The following HDAC4 variants were observed in gnomAD, a reference collection of about 807,000 sequenced individuals.
The protein encoded by HDAC4 is histone deacetylase 4.
A neutral mutation model predicts 135.1 loss-of-function variants in HDAC4; 16 were observed. That is an observed-to-expected ratio of 0.12 (90% CI 0.08 to 0.18). HDAC4 has a LOEUF of 0.18. Among genes scored for constraint, HDAC4 ranks in the 10% least tolerant of loss-of-function variants. The pLI, the probability that HDAC4 is intolerant of heterozygous loss-of-function variation, is 1.00. For missense variants in HDAC4, 1,143 were observed against 1,511.8 expected, an observed-to-expected ratio of 0.76 and a Z score of 4.05; for synonymous variants, 685 against 653.4, an observed-to-expected ratio of 1.05 and a Z score of -0.74.
intron 22 of HDAC4, among the ~76,000 whole-genome samples, chr2:239,078,798 C>T (rs1333432795): frequency 1.3e-5 from 2 of 152,216 alleles, no homozygotes; most frequent in African/African-American, 4.8e-5. Flanking sequence ...AGGGTTTCAC[C>T]CCAGGACCCA....
chr2:239,143,567 A>T (rs2041548813), intron 8 of HDAC4, among the ~76,000 whole-genome samples: 1 of 152,214 alleles, frequency 6.6e-6, no homozygotes, highest in Non-Finnish European at 1.5e-5. Context: ...ATAGAAATCC[A>T]CAAATATTCA....
At chr2:239,287,084 C>T (rs1021265397) in intron 2 of HDAC4, among the ~76,000 whole-genome samples, 2 of 152,164 alleles carry the variant, frequency 1.3e-5, no homozygotes, top group Non-Finnish European at 2.9e-5. Flanking sequence ...TCGGACAATA[C>T]GAGGCATTTG....
At position 239,167,653 on chromosome 2, in the gene HDAC4, T is replaced by G. The variant is rs2043192160; in HGVS notation, c.491-3730A>C. On this transcript the variant is annotated intron_variant, in intron 5 of 26. Coordinates refer to ENST00000543185, the MANE Select transcript of HDAC4 (RefSeq NM_001378414.1). This position sits in a 1 kb window ranked among gnomAD's most constrained non-coding sequence, Gnocchi z 4.1. ...TGCACACGCTCATCTGTCAACAGGT[T>G]TCTCACTTAAAGTTCTAGAATGAAA... Among the ~76,000 whole-genome samples the G allele has an allele frequency of 6.6e-6, 1 of 151,990 alleles. No homozygotes were observed. Among genetic ancestry groups the G allele is most frequent in the African/African-American group, 2.4e-5 (1 of 41,244 alleles).
chr2:239,174,527 G>A (rs755152566), intron 5 of HDAC4, among the ~76,000 whole-genome samples: 1 of 152,260 alleles, frequency 6.6e-6, no homozygotes. Flanking sequence ...TGGAGCCACA[G>A]GAACCCCTGT....
In HDAC4 at chr2:239,146,954, G is replaced by T. The variant is rs1252349229; in HGVS notation, c.734-2240C>A. ...ACGTCCCTGGTCGACTCTGCCTGCA[G>T]GGTGGCTGCAGCTGACCAGGAGGCT... On this transcript the variant is annotated intron_variant, in intron 7 of 26. Coordinates refer to ENST00000543185, the MANE Select transcript of HDAC4 (RefSeq NM_001378414.1). This position sits in a 1 kb window ranked among gnomAD's most constrained non-coding sequence, Gnocchi z 4.5. Among the ~76,000 whole-genome samples the T allele has an allele frequency of 6.6e-6, 1 of 152,216 alleles. No homozygotes were observed.
chr2:239,317,498 G>C (rs1456209556), intron 2 of HDAC4, among the ~76,000 whole-genome samples: 1 of 152,096 alleles, frequency 6.6e-6, no homozygotes, highest in East Asian at 1.9e-4. Context: ...AGAGAGTAAA[G>C]AAGGGTCCCA....
At chr2:239,363,477 C>A (rs985852962) in intron 1 of HDAC4, among the ~76,000 whole-genome samples, 1 of 152,210 alleles carries the variant, frequency 6.6e-6, no homozygotes, top group Non-Finnish European at 1.5e-5. Context: ...GGATTCCACC[C>A]CAAATCCATA....
At chr2:239,182,584 G>A (rs1040157992) in intron 4 of HDAC4, among the ~76,000 whole-genome samples, 5 of 152,314 alleles carry the variant, frequency 3.3e-5, no homozygotes, top group Non-Finnish European at 7.4e-5. Flanking sequence ...CCCCGGCAAC[G>A]CTGTGTGATC....
chr2:239,348,638 C>T (rs1478057804), intron 2 of HDAC4, among the ~76,000 whole-genome samples: 5 of 152,218 alleles, frequency 3.3e-5, no homozygotes, highest in African/African-American at 1.2e-4. Context: ...ACTCTGGCTT[C>T]AAGGCAGAGG....
At chr2:239,205,965 C>T (rs968932242) in intron 3 of HDAC4, among the ~76,000 whole-genome samples, 4 of 152,096 alleles carry the variant, frequency 2.6e-5, no homozygotes, top group Admixed American at 1.3e-4. Context: ...TCCAAAGCAG[C>T]GGTCAGGTTG....
At position 239,307,332 on chromosome 2, in the gene HDAC4, C is replaced by T. The variant is rs574436067; in HGVS notation, c.22+45346G>A. Among the ~76,000 whole-genome samples the T allele has an allele frequency of 4.3e-4, 65 of 152,232 alleles. No homozygotes were observed. Among genetic ancestry groups the T allele is most frequent in the African/African-American group, 1.6e-3 (65 of 41,562 alleles). ...GGTGTTCTGTTTAGAAGCAGAGAGC[C>T]GAGGAGCCGGAGGCCCCAACACAAG... On this transcript the variant is annotated intron_variant, in intron 2 of 26. Transcript: ENST00000543185. The surrounding 1 kb of genome is among the most constrained non-coding windows in gnomAD (Gnocchi z 4.8).
intron 2 of HDAC4, among the ~76,000 whole-genome samples, chr2:239,268,620 C>T (rs1435011123): frequency 1.3e-5 from 2 of 152,202 alleles, no homozygotes; most frequent in Non-Finnish European, 2.9e-5. Flanking sequence ...GACTAGATGG[C>T]CTGCAGGCCA....
At chr2:239,364,331 G>A (rs969645810) in intron 1 of HDAC4, among the ~76,000 whole-genome samples, 1 of 152,220 alleles carries the variant, frequency 6.6e-6, no homozygotes, top group African/African-American at 2.4e-5. Flanking sequence ...TCATACCACA[G>A]AACACCATAC....
In HDAC4 at chr2:239,382,545, C is replaced by T. The variant is rs1050782178; in HGVS notation, c.-220+18433G>A. ...CACCCAGAGTGACCCAGATGGGCCA[C>T]GTCTCAGAGACTGAACCCCGGAGCC... On this transcript the variant is annotated intron_variant, in intron 1 of 26. Transcript: ENST00000543185. Among the ~76,000 whole-genome samples, 9 of 152,208 alleles carry T rather than the reference C, an allele frequency of 5.9e-5. No homozygotes were observed. The South Asian group carries it at 1.9e-3, about 31-fold the overall frequency.
Position 239,068,473 on chromosome 2 carries a change from A to G in HDAC4, c.2869+16T>C. Reference sequence around the variant, plus strand: ...TGAGCAGAACCGGCTCCTCAGTCATATGCAGAACCACTTACATCTGGCGGA... The same window carrying G: ...TGAGCAGAACCGGCTCCTCAGTCATGTGCAGAACCACTTACATCTGGCGGA... On this transcript the variant is annotated intron_variant, in intron 23 of 26. Transcript: ENST00000543185. This position sits in a 1 kb window ranked among gnomAD's most constrained non-coding sequence, Gnocchi z 4.4. The G allele has an allele frequency of 6.4e-7, 1 of 1,566,742 alleles. No homozygotes were observed. The highest frequency in any genetic ancestry group is 8.8e-7 in the Non-Finnish European group (1 of 1,136,834).
At chr2:239,254,623 T>C (rs972147216) in intron 2 of HDAC4, among the ~76,000 whole-genome samples, 8 of 151,828 alleles carry the variant, frequency 5.3e-5, no homozygotes, top group Admixed American at 1.3e-4. Context: ...AGCACAAAGA[T>C]AGGAAAAGAT....
intron 16 of HDAC4, chr2:239,102,521 T>C: frequency 2.0e-6 from 1 of 496,892 alleles, no homozygotes; most frequent in Non-Finnish European, 3.7e-6. Flanking sequence ...CTCTCAAACC[T>C]AAACTCTGAT....
In HDAC4 at chr2:239,049,524, A is replaced by G. The variant is rs1482442105; in HGVS notation, c.*3573T>C. 1 of 152,326 alleles carries G rather than the reference A, an allele frequency of 6.6e-6. No individual in the cohort carries two copies. Among genetic ancestry groups the G allele is most frequent in the Non-Finnish European group, 1.5e-5 (1 of 68,022 alleles). 9.4% of individuals were successfully genotyped at this position (152,326 alleles called of 1,614,324 possible). On this transcript the variant is annotated 3_prime_UTR_variant, in exon 27 of 27. Coordinates refer to ENST00000543185, the MANE Select transcript of HDAC4 (RefSeq NM_001378414.1). The stretch of plus-strand genomic sequence containing the variant: ...CAATGCCCATAAAACACGTGGGCCC[A>G]AAGTCTACAAAAAGAAGAATGGAAT...
chr2:239,147,197 C>A lies in HDAC4; in HGVS notation c.734-2483G>T, dbSNP rs187792401. On this transcript the variant is annotated intron_variant, in intron 7 of 26. Transcript: ENST00000543185. ...AGACCACCCGGGGCACATGAAGTGG[C>A]CTTCCTGGGGAGAACAGAGAAGCCC... Among the ~76,000 whole-genome samples, 153 of 152,332 alleles carry A rather than the reference C, an allele frequency of 1.0e-3. 1 individual carries two copies. Among genetic ancestry groups the A allele is most frequent in the Non-Finnish European group, 1.7e-3 (114 of 68,014 alleles).
Sources: allele counts gnomAD v4.1 joint callset (sites outside exome capture counted in the v4.1 genomes callset), GRCh38; gene constraint gnomAD v4.1.1; non-coding constraint Gnocchi (gnomAD v3.1); transcripts MANE v1.5; gene names NCBI Gene and HGNC (gene_info 2026-07-23, HGNC 2026-07-21).